Variants in TEC observed in about 807,000 individuals in gnomAD.
TEC encodes the protein tyrosine-protein kinase Tec.
TEC carries 72 observed loss-of-function variants against 93.0 expected under a neutral mutation model. That is an observed-to-expected ratio of 0.77 (90% CI 0.64 to 0.94). The LOEUF is 0.94. Among genes scored for constraint, TEC ranks in the 40% least tolerant of loss-of-function variants. The pLI is 0.00. For synonymous variants in TEC, 249 were observed against 247.7 expected (o/e 1.01, Z -0.05); for missense variants, 630 against 757.9 (o/e 0.83, Z 1.98).
intron 2 of TEC, 36 bp from the exon 3 acceptor site, chr4:48,176,222 T>C: frequency 6.7e-7 from 1 of 1,502,986 alleles, no homozygotes; most frequent in Non-Finnish European, 9.2e-7. Context: ...ATTAGAATCA[T>C]AAGACATAAA....
At position 48,151,042 on chromosome 4, in the gene TEC, ATT is replaced by A. The variant is rs1720143679; in HGVS notation, c.793-102_793-101del. On this transcript the variant is annotated intron_variant, in intron 9 of 17. Coordinates refer to ENST00000381501, the MANE Select transcript of TEC (RefSeq NM_003215.3). ...CTAATATTATAATTTTATGATTATT[ATT>A]CTTTCCCAGAAAAAAATGCTTTGAA... The A allele has an allele frequency of 5.3e-6, 4 of 758,458 alleles. No individual in the cohort carries two copies. The South Asian group carries it at 1.3e-4, about 24-fold the overall frequency. The allele number at this position is 758,458 out of a possible 1,614,324, so 47.0% of individuals were successfully genotyped here.
At chr4:48,155,780 C>A (rs1000418537) in intron 9 of TEC, 2 of 152,152 alleles carry the variant, frequency 1.3e-5, no homozygotes, top group Non-Finnish European at 2.9e-5. Flanking sequence ...ATAAACAGCT[C>A]TCAACTGACC....
At position 48,141,472 on chromosome 4, in the gene TEC, T is replaced by C; in HGVS notation, c.1471-53A>G. ...TAGTTTAAAAATTCTATCATTTAAG[T>C]AGGAAAATGTAAGTTCTATTTATAT... On this transcript the variant is annotated intron_variant, in intron 14 of 17. Transcript: ENST00000381501. The C allele has an allele frequency of 2.0e-6, 3 of 1,530,360 alleles. No homozygotes were observed. In the Admixed American group the frequency reaches 5.0e-5, roughly 26 times the overall value. 94.8% of individuals were successfully genotyped at this position (1,530,360 alleles called of 1,614,324 possible). A position where few individuals can be genotyped will look rare whatever the true frequency, so the allele number is the denominator to read the frequency against.
chr4:48,216,584 GGGGT>G (rs1413733501), intron 2 of TEC, among the ~76,000 whole-genome samples: 2 of 151,994 alleles, frequency 1.3e-5, no homozygotes, highest in African/African-American at 4.8e-5. Context: ...TAGGAGAAGA[GGGGT>G]GGGTAGAAAC....
intron 1 of TEC, among the ~76,000 whole-genome samples, chr4:48,231,755 TG>T (rs1723653997): frequency 6.6e-6 from 1 of 151,656 alleles, no homozygotes; most frequent in Non-Finnish European, 1.5e-5. Flanking sequence ...AGACTCCGTC[TG>T]AAAAAAAAAC....
intron 1 of TEC, among the ~76,000 whole-genome samples, chr4:48,243,818 G>A (rs889142616): frequency 6.6e-6 from 1 of 152,096 alleles, no homozygotes; most frequent in African/African-American, 2.4e-5. Flanking sequence ...GGCCTGTTGG[G>A]GGTTGGGGAT....
intron 1 of TEC, among the ~76,000 whole-genome samples, chr4:48,233,073 CTGGGAGA>C (rs1214463199): frequency 2.6e-5 from 4 of 152,154 alleles, no homozygotes; most frequent in African/African-American, 9.7e-5. Context: ...GGTCTCTATC[CTGGGAGA>C]GACTAAGTGC....
intron 1 of TEC, among the ~76,000 whole-genome samples, chr4:48,241,688 C>G (rs569075148): frequency 3.3e-5 from 5 of 152,250 alleles, no homozygotes; most frequent in Non-Finnish European, 7.4e-5. Context: ...CCCTTTAAGT[C>G]TTGGATGGTT....
chr4:48,216,782 CTAAAT>C (rs1723095448), intron 2 of TEC, among the ~76,000 whole-genome samples: 1 of 152,168 alleles, frequency 6.6e-6, no homozygotes, highest in Admixed American at 6.5e-5. Context: ...AGTTTTATGA[CTAAAT>C]TAAATTAAGT....
intron 5 of TEC, 109 bp from the exon 6 acceptor site, chr4:48,168,735 A>T: frequency 1.7e-6 from 2 of 1,171,810 alleles, no homozygotes; most frequent in Non-Finnish European, 2.5e-6. Context: ...ATAGACAAGC[A>T]GCACACTCTG....
intron 7 of TEC, among the ~76,000 whole-genome samples, chr4:48,166,682 T>C (rs1166871439): frequency 6.6e-6 from 1 of 151,942 alleles, no homozygotes; most frequent in Non-Finnish European, 1.5e-5. Context: ...TTTTGGATGC[T>C]TGAAAATTTC....
At chr4:48,200,605 A>G (rs148704001) in intron 2 of TEC, among the ~76,000 whole-genome samples, 116 of 152,330 alleles carry the variant, frequency 7.6e-4, no homozygotes, top group African/African-American at 2.7e-3. Flanking sequence ...CTTGGTACTC[A>G]GAATAAAAGA....
At chr4:48,265,387 ATG>A (rs943467802) in intron 1 of TEC, among the ~76,000 whole-genome samples, 1 of 149,488 alleles carries the variant, frequency 6.7e-6, no homozygotes, top group East Asian at 2.0e-4. Flanking sequence ...ATATATATAT[ATG>A]TGTGTGTATA....
intron 1 of TEC, among the ~76,000 whole-genome samples, chr4:48,257,159 T>C (rs776011284): frequency 1.3e-5 from 2 of 152,208 alleles, no homozygotes. Context: ...TAATTTTATA[T>C]GATTACATGA....
intron 1 of TEC, among the ~76,000 whole-genome samples, chr4:48,231,295 G>GGA (rs1723637247): frequency 6.6e-6 from 1 of 152,168 alleles, no homozygotes; most frequent in Non-Finnish European, 1.5e-5. Context: ...AGGAGTCACA[G>GGA]GAAAGCTCTT....
intron 12 of TEC, 72 bp downstream of exon 12, chr4:48,146,253 T>TCCA (rs1719901497): frequency 1.4e-6 from 2 of 1,438,294 alleles, no homozygotes; most frequent in African/African-American, 2.8e-5. Context: ...ATAGTACACA[T>TCCA]CCAAATTTAT....
chr4:48,192,239 G>A (rs2109583580), intron 2 of TEC, among the ~76,000 whole-genome samples: 1 of 152,296 alleles, frequency 6.6e-6, no homozygotes, highest in South Asian at 2.1e-4. Flanking sequence ...ATAGAAGCTA[G>A]TCTAAAAAAG....
chr4:48,259,549 C>G (rs1429211845), intron 1 of TEC, among the ~76,000 whole-genome samples: 1 of 151,980 alleles, frequency 6.6e-6, no homozygotes, highest in East Asian at 1.9e-4. Flanking sequence ...AAGCTCACCT[C>G]TACTAAAAAT....
At chr4:48,255,160 CA>C (rs1724307533) in intron 1 of TEC, among the ~76,000 whole-genome samples, 1 of 152,186 alleles carries the variant, frequency 6.6e-6, no homozygotes, top group Non-Finnish European at 1.5e-5. Flanking sequence ...TCCTGCACTT[CA>C]AACAATGCTG....
Sources: allele counts gnomAD v4.1 joint callset (sites outside exome capture counted in the v4.1 genomes callset), GRCh38; gene constraint gnomAD v4.1.1; transcripts MANE v1.5; gene names NCBI Gene and HGNC (gene_info 2026-07-23, HGNC 2026-07-21).